REPS2: variants seen among roughly 807,000 people sequenced by gnomAD.
REPS2 encodes the protein ralBP1-associated Eps domain-containing protein 2.
In REPS2, 23 loss-of-function variants were observed where a neutral mutation model predicts 53.6. The observed-to-expected ratio is 0.43, with a 90% confidence interval of 0.31 to 0.61. REPS2 has a LOEUF of 0.61. Among genes scored for constraint, REPS2 ranks in the 20% least tolerant of loss-of-function variants. The pLI is 0.11. For synonymous variants in REPS2, 238 were observed against 218.6 expected, an observed-to-expected ratio of 1.09 and a Z score of -0.78; for missense variants, 446 against 534.9, an observed-to-expected ratio of 0.83 and a Z score of 1.64.
chrX:17,046,303 G>A (rs1213993589), intron 5 of REPS2, among the ~76,000 whole-genome samples: 3 of 109,351 alleles, frequency 2.7e-5, no homozygotes, highest in East Asian at 2.9e-4. Flanking sequence ...TTAGCCTCCC[G>A]AGTAGCTGGG....
chrX:17,189,524 C>T, the REPS2 span, among the ~76,000 whole-genome samples: 21 of 111,192 alleles, frequency 1.9e-4, no homozygotes, highest in Admixed American at 1.9e-3. Flanking sequence ...TGAGCTCAGG[C>T]AATCCACCCG....
chrX:17,011,867 C>T (rs1482757196), intron 2 of REPS2, among the ~76,000 whole-genome samples: 1 of 107,337 alleles, frequency 9.3e-6, no homozygotes, highest in Non-Finnish European at 1.9e-5. Flanking sequence ...GAGGCTGAGG[C>T]AGGAGACTAG....
chrX:17,145,467 C>A (rs1336498747), intron 17 of REPS2, among the ~76,000 whole-genome samples: 2 of 111,392 alleles, frequency 1.8e-5, no homozygotes, highest in Non-Finnish European at 3.8e-5. Flanking sequence ...TTGAAATACT[C>A]ATTTCTTATC....
intron 5 of REPS2, among the ~76,000 whole-genome samples, chrX:17,041,530 C>G (rs1384726785): frequency 8.9e-6 from 1 of 112,247 alleles, no homozygotes; most frequent in Admixed American, 9.4e-5. Context: ...CAAGTCTTCT[C>G]ACATCTTTGC....
At chrX:17,140,857 G>A (rs1290631413) in intron 17 of REPS2, among the ~76,000 whole-genome samples, 1 of 108,226 alleles carries the variant, frequency 9.2e-6, no homozygotes, top group Non-Finnish European at 1.9e-5. Flanking sequence ...TGCAAGCTCC[G>A]CCTCCTGGGT....
At chrX:17,113,000 G>A (rs2062992651) in intron 14 of REPS2, among the ~76,000 whole-genome samples, 1 of 98,413 alleles carries the variant, frequency 1.0e-5, no homozygotes, top group Middle Eastern at 5.3e-3. Flanking sequence ...GCTGAGGCAG[G>A]AGAATGGTGT....
At chrX:17,174,272 T>G in the REPS2 span, among the ~76,000 whole-genome samples, 2,915 of 111,866 alleles carry the variant, frequency 0.026, 102 homozygotes, top group African/African-American at 0.09. Context: ...TTAACAGCAC[T>G]TACACTACCT....
chrX:17,046,888 T>C lies in REPS2; in HGVS notation c.772-459T>C, dbSNP rs748769894. On this transcript the variant is annotated intron_variant, in intron 5 of 17. Transcript: ENST00000357277. ...TGGGATTTGAATTGGAGCTTTTGAT[T>C]CCTGGATTTATACAGCATTTCAGTG... Among the ~76,000 whole-genome samples, 25 of 112,409 alleles carry C rather than the reference T, an allele frequency of 2.2e-4. No individual in the cohort carries two copies. In the East Asian group the frequency reaches 7.0e-3, roughly 31 times the overall value.
chrX:16,990,085 T>C (rs1351197158), intron 1 of REPS2, among the ~76,000 whole-genome samples: 1 of 112,197 alleles, frequency 8.9e-6, no homozygotes, highest in Non-Finnish European at 1.9e-5. Flanking sequence ...ATCCATAGCA[T>C]GGAATACTAC....
chrX:16,966,591 T>C (rs1190640825), intron 1 of REPS2, among the ~76,000 whole-genome samples: 1 of 112,606 alleles, frequency 8.9e-6, no homozygotes, highest in Non-Finnish European at 1.9e-5. Context: ...GACTGTGACC[T>C]GTCACATAAG....
At chrX:17,091,795 C>T (rs1394823997) in intron 13 of REPS2, among the ~76,000 whole-genome samples, 1 of 111,761 alleles carries the variant, frequency 8.9e-6, no homozygotes, top group Non-Finnish European at 1.9e-5. Context: ...TAAGGTCATA[C>T]ATGCTTTTAT....
chrX:17,159,083 A>AT, the REPS2 span, among the ~76,000 whole-genome samples: 3 of 111,506 alleles, frequency 2.7e-5, no homozygotes, highest in Non-Finnish European at 5.6e-5. Context: ...ATTCCATCAA[A>AT]TTTTTTTCAT....
rs1373037297 is a variant in REPS2, at chrX:17,150,289, G to T, written c.*2808G>T. 1 of 112,178 alleles carries T rather than the reference G, an allele frequency of 8.9e-6. No individual in the cohort carries two copies. The highest frequency in any genetic ancestry group is 3.2e-5 in the African/African-American group (1 of 30,779). The allele number at this position is 112,178 out of a possible 1,213,427, so 9.2% of individuals were successfully genotyped here. On this transcript the variant is annotated 3_prime_UTR_variant, in exon 18 of 18. Transcript: ENST00000357277. ...ACTCCAAAGTTAGACCTGCCTGTTG[G>T]GGAGAATTCTATAGACAGAAGGTCA...
At chrX:17,083,077 C>CTTTT (rs746229224) in intron 13 of REPS2, among the ~76,000 whole-genome samples, 30 of 80,565 alleles carry the variant, frequency 3.7e-4, no homozygotes, top group African/African-American at 1.4e-3. Context: ...GTTCCGAGCA[C>CTTTT]TTTTTTTTTT....
the REPS2 span, among the ~76,000 whole-genome samples, chrX:17,160,407 G>C: frequency 2.7e-5 from 3 of 112,474 alleles, no homozygotes; most frequent in Non-Finnish European, 3.8e-5. Context: ...GAAAGCTTAA[G>C]AGCATTATCC....
intron 2 of REPS2, among the ~76,000 whole-genome samples, chrX:17,009,432 A>G (rs1602662504): frequency 1.2e-5 from 1 of 86,706 alleles, no homozygotes; most frequent in Non-Finnish European, 2.2e-5. Flanking sequence ...CAGCCTCCCA[A>G]CTTTTTTTTT....
intron 17 of REPS2, among the ~76,000 whole-genome samples, chrX:17,145,831 C>T (rs1030719804): frequency 1.8e-5 from 2 of 111,955 alleles, no homozygotes; most frequent in East Asian, 2.8e-4. Context: ...AATGCCAGGC[C>T]GGGTGCAGTG....
rs2063569913 is a variant in REPS2 at position 17,151,625 on chromosome X, A to G, written c.*4144A>G. On this transcript the variant is annotated 3_prime_UTR_variant, in exon 18 of 18. Transcript: ENST00000357277. ...TTTAAAAATAAAAAGAAAACAATATAACGTATCATGGCAACCAGAGCTTCC... is the reference window on the plus strand; with the variant it reads ...TTTAAAAATAAAAAGAAAACAATATGACGTATCATGGCAACCAGAGCTTCC... 1 of 112,478 alleles carries G rather than the reference A, an allele frequency of 8.9e-6. No individual in the cohort carries two copies. The highest frequency in any genetic ancestry group is 3.2e-5 in the African/African-American group (1 of 30,893). The allele number at this position is 112,478 out of a possible 1,213,427, so 9.3% of individuals were successfully genotyped here.
chrX:17,119,868 C>CTTTTTTTTTTTTTTTTTTTTTTTTTTT (rs35141257), intron 14 of REPS2, among the ~76,000 whole-genome samples: 1 of 40,516 alleles, frequency 2.5e-5, no homozygotes, highest in African/African-American at 1.2e-4. Flanking sequence ...CGCACTGTGA[C>CTTTTTTTTTTTTTTTTTTTTTTTTTTT]TTTTTTTTTT....
Sources: gnomAD v4.1 joint callset for allele counts (sites outside exome capture counted in the v4.1 genomes callset) on GRCh38, gnomAD v4.1.1 for gene constraint, MANE v1.5 for transcripts, NCBI Gene and HGNC (gene_info 2026-07-23, HGNC 2026-07-21) for gene names.